Variants in NFAT5 observed in about 807,000 individuals in gnomAD.
NFAT5 encodes the protein nuclear factor of activated T-cells 5.
Under a neutral mutation model 166.5 loss-of-function variants are expected in NFAT5, and 31 were observed. The observed-to-expected ratio is 0.19, with a 90% CI of 0.14 to 0.25. The LOEUF is 0.25. NFAT5 is among the 10% of genes least tolerant of loss of function. The pLI, the probability that NFAT5 is intolerant of heterozygous loss-of-function variation, is 1.00. For missense variants in NFAT5, 1,449 were observed against 1,821.8 expected (o/e 0.80, Z 3.72); for synonymous variants, 612 against 639.7 (o/e 0.96, Z 0.65).
At chr16:69,612,154 T>C (rs2033732253) in intron 2 of NFAT5, among the ~76,000 whole-genome samples, 1 of 152,234 alleles carries the variant, frequency 6.6e-6, no homozygotes, top group African/African-American at 2.4e-5. Context: ...AGAATTATTA[T>C]CCAGTAGCTT....
chr16:69,688,844 A>G (rs2037435290), intron 11 of NFAT5, among the ~76,000 whole-genome samples: 1 of 151,016 alleles, frequency 6.6e-6, no homozygotes, highest in South Asian at 2.1e-4. Flanking sequence ...TGGAATTCAA[A>G]AGCAAGAATA....
intron 1 of NFAT5, 107 bp from the exon 2 acceptor site, chr16:69,568,388 A>T: frequency 2.5e-6 from 1 of 404,650 alleles, no homozygotes; most frequent in South Asian, 2.8e-5. Context: ...ATATATATAT[A>T]TATATACACA....
intron 2 of NFAT5, among the ~76,000 whole-genome samples, chr16:69,607,808 TC>T (rs1276139265): frequency 6.6e-6 from 1 of 152,230 alleles, no homozygotes; most frequent in East Asian, 1.9e-4. Flanking sequence ...ATTCTCAATT[TC>T]TTTTCTAAGG....
intron 2 of NFAT5, among the ~76,000 whole-genome samples, chr16:69,613,748 AGCACATACT>A (rs1367160597): frequency 6.6e-6 from 1 of 152,222 alleles, no homozygotes; most frequent in East Asian, 1.9e-4. Flanking sequence ...ACTTTATTAA[AGCACATACT>A]GCATTATTTT....
chr16:69,580,275 C>A (rs959182416), intron 2 of NFAT5, among the ~76,000 whole-genome samples: 11 of 151,984 alleles, frequency 7.2e-5, no homozygotes, highest in Non-Finnish European at 1.3e-4. Context: ...TGCCTGTATT[C>A]CCAGCACTTT....
chr16:69,586,072 A>G (rs1211084722), intron 2 of NFAT5, among the ~76,000 whole-genome samples: 27 of 152,220 alleles, frequency 1.8e-4, no homozygotes, highest in Admixed American at 1.8e-3. Context: ...TAAGAGTAAG[A>G]TGCACTACTT....
intron 4 of NFAT5, chr16:69,648,071 AGAACT>A (rs1248634411): frequency 4.2e-6 from 1 of 240,132 alleles, no homozygotes; most frequent in African/African-American, 2.3e-5. Flanking sequence ...GCTACTTGGG[AGAACT>A]GAGGCAGGGG....
At chr16:69,584,735 T>G (rs537589437) in intron 2 of NFAT5, among the ~76,000 whole-genome samples, 1 of 152,102 alleles carries the variant, frequency 6.6e-6, no homozygotes, top group African/African-American at 2.4e-5. Flanking sequence ...CTGAGTGAGC[T>G]ATGATTGTAC....
At chr16:69,611,243 T>A (rs1239395611) in intron 2 of NFAT5, among the ~76,000 whole-genome samples, 1 of 152,228 alleles carries the variant, frequency 6.6e-6, no homozygotes, top group Non-Finnish European at 1.5e-5. Flanking sequence ...ATAATATGGT[T>A]AGCTGTTAAT....
chr16:69,703,118 G>C lies in NFAT5; in HGVS notation c.*6767G>C, dbSNP rs2037926088. The C allele has an allele frequency of 6.6e-6, 1 of 152,602 alleles. No individual in the cohort carries two copies. The highest frequency in any genetic ancestry group is 1.5e-5 in the Non-Finnish European group (1 of 68,030). 9.5% of individuals were successfully genotyped at this position (152,602 alleles called of 1,614,324 possible). A position where few individuals can be genotyped will look rare whatever the true frequency, so the allele number is the denominator to read the frequency against. On this transcript the variant is annotated 3_prime_UTR_variant, in exon 15 of 15. Coordinates refer to ENST00000349945, the MANE Select transcript of NFAT5 (RefSeq NM_138713.4). ...ATACAAGCTTTCTTTTCATTGCCTA[G>C]TACTTTACCAGCAGACCACAGTTTT...
chr16:69,601,856 G>A (rs980679464), intron 2 of NFAT5, among the ~76,000 whole-genome samples: 64 of 152,120 alleles, frequency 4.2e-4, no homozygotes, highest in African/African-American at 1.3e-3. Context: ...AATTTCTTCT[G>A]CTGTCATGTT....
chr16:69,678,068 G>C (rs984822577), intron 10 of NFAT5, among the ~76,000 whole-genome samples: 1 of 151,788 alleles, frequency 6.6e-6, no homozygotes, highest in Non-Finnish European at 1.5e-5. Flanking sequence ...TGAGGAAGGA[G>C]AATTGCCTGA....
chr16:69,685,045 G>T, intron 11 of NFAT5, 75 bp downstream of exon 11: 3 of 960,284 alleles, frequency 3.1e-6, no homozygotes, highest in South Asian at 1.5e-5. Flanking sequence ...TTACTATTTT[G>T]TTTTCTCTTA....
At position 69,684,967 on chromosome 16, in the gene NFAT5, A is replaced by C. The variant is rs1178197549; in HGVS notation, c.1771A>C (p.Lys591Gln). ...ACCTTGCTCTTTTGAAGAGGCCATGAAAGGTACCAAGTAAATTCTTCTCAA... is the reference window on the plus strand; with the variant it reads ...ACCTTGCTCTTTTGAAGAGGCCATGCAAGGTACCAAGTAAATTCTTCTCAA... ...ARPCSFEEAM[K>Q]AMKTTGCNLD... Residue 591 changes from lysine to glutamine, a missense_variant, in exon 11 of 15, where the codon AAA (lysine) becomes CAA (glutamine). Physicochemically the swap from Lys to Gln is moderately conservative, Grantham distance 53 (BLOSUM62 1). This residue lies in a region of NFAT5 where 245 missense variants were observed against 366.6 expected (regional missense o/e 0.67). Transcript: ENST00000349945. The C allele has an allele frequency of 6.2e-7, 1 of 1,606,970 alleles. No individual in the cohort carries two copies. The highest frequency in any genetic ancestry group is 8.5e-7 in the Non-Finnish European group (1 of 1,175,898).
intron 2 of NFAT5, among the ~76,000 whole-genome samples, chr16:69,573,137 C>T (rs946203918): frequency 4.5e-4 from 68 of 152,258 alleles, no homozygotes; most frequent in African/African-American, 1.5e-3. Flanking sequence ...CCACCGCATC[C>T]GGCCACAATC....
At chr16:69,584,825 G>A (rs2031938703) in intron 2 of NFAT5, among the ~76,000 whole-genome samples, 1 of 151,964 alleles carries the variant, frequency 6.6e-6, no homozygotes, top group Non-Finnish European at 1.5e-5. Flanking sequence ...GCACAGCTGT[G>A]ACTCTGCTGA....
At position 69,655,747 on chromosome 16, in the gene NFAT5, G is replaced by A; in HGVS notation, c.1144G>A (p.Gly382Ser). ...TTPCKEVDIE[G>S]TTVIEVGLDP... is the part of the protein sequence containing the mutation. ...TCCTTGCAAAGAAGTGGACATTGAAGGCACTACTGTTATAGAAGTCGGCCT... is the reference window on the plus strand; with the variant it reads ...TCCTTGCAAAGAAGTGGACATTGAAAGCACTACTGTTATAGAAGTCGGCCT... Residue 382 changes from glycine (G) to serine (S), a missense_variant, in exon 6 of 15, where the codon GGC (glycine) becomes AGC (serine). Gly to Ser is a moderately conservative substitution (Grantham distance 56). Transcript: ENST00000349945. 6.2e-7 allele frequency: 1 copy of A among 1,613,850 alleles called. No individual in the cohort carries two copies. Among genetic ancestry groups the A allele is most frequent in the South Asian group, 1.1e-5 (1 of 91,066 alleles).
At chr16:69,584,258 A>T (rs977263126) in intron 2 of NFAT5, among the ~76,000 whole-genome samples, 1 of 152,028 alleles carries the variant, frequency 6.6e-6, no homozygotes, top group African/African-American at 2.4e-5. Flanking sequence ...GAACTATTTA[A>T]TCTGTAAAGA....
chr16:69,603,587 A>C (rs1302580725), intron 2 of NFAT5, among the ~76,000 whole-genome samples: 2 of 151,852 alleles, frequency 1.3e-5, no homozygotes, highest in African/African-American at 2.4e-5. Context: ...CCTCATCTCT[A>C]AAAAAAATAC....
Sources: allele counts gnomAD v4.1 joint callset (sites outside exome capture counted in the v4.1 genomes callset), GRCh38; gene constraint gnomAD v4.1.1; regional missense constraint gnomAD v4.1.1; transcripts MANE v1.5; gene names NCBI Gene and HGNC (gene_info 2026-07-23, HGNC 2026-07-21).